The following GRM3 variants were observed in gnomAD, a reference collection of about 807,000 sequenced individuals.
GRM3 encodes metabotropic glutamate receptor 3.
A neutral mutation model predicts 70.5 loss-of-function variants in GRM3; 26 were observed. The ratio of observed to expected loss-of-function variants is 0.37; its 90% confidence interval spans 0.27 to 0.51. The LOEUF is 0.51. Among genes scored for constraint, GRM3 ranks in the 20% least tolerant of loss-of-function variants. The pLI is 0.93. For missense variants in GRM3, 859 were observed against 1,123.8 expected (o/e 0.76, Z 3.37); for synonymous variants, 443 against 434.9 (o/e 1.02, Z -0.23).
At position 86,839,251 on chromosome 7, in the gene GRM3, C is replaced by T. The variant is rs138025043; in HGVS notation, c.1737C>T (p.Gly579=). 64 of 1,613,916 alleles carry T rather than the reference C, an allele frequency of 4.0e-5. No homozygotes were observed. In the African/African-American group the frequency reaches 6.9e-4, roughly 17 times the overall value. ...YIRWEDAWAI[G]PVTIACLGFM... ...GGTGGGAAGACGCCTGGGCCATTGG[C>T]CCAGTCACCATTGCCTGTCTGGGTT... The change falls in exon 4 of 6, where the codon GGC becomes GGT. Residue 579 remains glycine (G), a synonymous_variant. Coordinates refer to ENST00000361669, the MANE Select transcript of GRM3 (RefSeq NM_000840.3). The surrounding 1 kb of genome is among the most constrained non-coding windows in gnomAD (Gnocchi z 4.5).
At chr7:86,737,328 A>G (rs1179177240) in intron 1 of GRM3, among the ~76,000 whole-genome samples, 1 of 152,236 alleles carries the variant, frequency 6.6e-6, no homozygotes, top group Non-Finnish European at 1.5e-5. Flanking sequence ...TTTATGAGTG[A>G]GGAAATAGGC....
intron 1 of GRM3, among the ~76,000 whole-genome samples, chr7:86,658,851 TAAA>T (rs776188702): frequency 7.2e-6 from 1 of 138,712 alleles, no homozygotes. Flanking sequence ...CCTGTTATAC[TAAA>T]AAAAAAAAAA....
At chr7:86,794,810 C>A (rs890665376) in intron 3 of GRM3, among the ~76,000 whole-genome samples, 1 of 151,592 alleles carries the variant, frequency 6.6e-6, no homozygotes, top group Non-Finnish European at 1.5e-5. Context: ...AATTTGTTAA[C>A]GTGGCAGAGT....
At chr7:86,849,454 A>G (rs1245979616) in intron 4 of GRM3, among the ~76,000 whole-genome samples, 2 of 152,168 alleles carry the variant, frequency 1.3e-5, no homozygotes, top group African/African-American at 4.8e-5. Flanking sequence ...AGTAAAATGA[A>G]GCATTCTAAA....
chr7:86,747,115 A>G (rs980142561), intron 1 of GRM3, among the ~76,000 whole-genome samples: 1 of 152,126 alleles, frequency 6.6e-6, no homozygotes, highest in African/African-American at 2.4e-5. Flanking sequence ...GTAAGTGTCC[A>G]TGATCCCATT....
intron 3 of GRM3, among the ~76,000 whole-genome samples, chr7:86,822,267 A>G (rs190727055): frequency 6.9e-4 from 105 of 152,290 alleles, no homozygotes; most frequent in Admixed American, 1.2e-3. Context: ...GAAAAATAAT[A>G]AAGTTCTATT....
At chr7:86,760,316 T>C (rs1796447769) in intron 1 of GRM3, among the ~76,000 whole-genome samples, 1 of 152,110 alleles carries the variant, frequency 6.6e-6, no homozygotes, top group Non-Finnish European at 1.5e-5. Context: ...GGGGTTATAT[T>C]CATAGCAAAC....
intron 5 of GRM3, among the ~76,000 whole-genome samples, chr7:86,863,884 C>T (rs1404996189): frequency 1.3e-5 from 2 of 152,136 alleles, no homozygotes; most frequent in South Asian, 2.1e-4. Flanking sequence ...AGAGGTATAA[C>T]GTTAGTGGAG....
intron 1 of GRM3, among the ~76,000 whole-genome samples, chr7:86,699,289 T>C (rs537652842): frequency 1.3e-5 from 2 of 152,138 alleles, no homozygotes; most frequent in African/African-American, 4.8e-5. Flanking sequence ...ACAATACCTA[T>C]TAGCTTGAAA....
rs777078988 is a variant in GRM3, at chr7:86,707,020, CT to C, written c.-140-57984del. ...TTAAAATTTTCTTTGAGGAAATATA[CT>C]TCCCTAGAATACTAAATTAGACCGA... On this transcript the variant is annotated intron_variant, in intron 1 of 5. Coordinates refer to ENST00000361669, the MANE Select transcript of GRM3 (RefSeq NM_000840.3). Among the ~76,000 whole-genome samples the C allele has an allele frequency of 1.2e-3, 184 of 152,100 alleles. 1 individual carries two copies. Among genetic ancestry groups the C allele is most frequent in the Non-Finnish European group, 1.9e-3 (132 of 67,978 alleles).
chr7:86,721,829 C>G (rs915623111), intron 1 of GRM3, among the ~76,000 whole-genome samples: 1 of 152,046 alleles, frequency 6.6e-6, no homozygotes, highest in Admixed American at 6.6e-5. Flanking sequence ...GTAGGCAGAA[C>G]AGATTCAGGT....
At chr7:86,659,591 G>C (rs1174688753) in intron 1 of GRM3, among the ~76,000 whole-genome samples, 1 of 152,084 alleles carries the variant, frequency 6.6e-6, no homozygotes, top group Non-Finnish European at 1.5e-5. Context: ...TGGAATAACT[G>C]TCTCATATTC....
chr7:86,711,169 T>G (rs1465791793), intron 1 of GRM3, among the ~76,000 whole-genome samples: 1 of 151,564 alleles, frequency 6.6e-6, no homozygotes, highest in East Asian at 1.9e-4. Flanking sequence ...CTAATTTAAT[T>G]TAATTTAATT....
intron 3 of GRM3, among the ~76,000 whole-genome samples, chr7:86,827,942 C>A (rs1459518742): frequency 6.6e-6 from 1 of 151,904 alleles, no homozygotes; most frequent in African/African-American, 2.4e-5. Flanking sequence ...GAAACCCTGT[C>A]TCTACTAAAA....
intron 1 of GRM3, among the ~76,000 whole-genome samples, chr7:86,663,039 T>C (rs1049573455): frequency 6.6e-6 from 1 of 151,700 alleles, no homozygotes; most frequent in Non-Finnish European, 1.5e-5. Flanking sequence ...AATATGAAAC[T>C]TTTTTTGCAA....
chr7:86,763,988 C>A (rs1001106636), intron 1 of GRM3, among the ~76,000 whole-genome samples: 5 of 151,966 alleles, frequency 3.3e-5, no homozygotes, highest in African/African-American at 1.2e-4. Flanking sequence ...TTAGATTCTG[C>A]AGGGCATAGT....
chr7:86,678,074 T>C (rs372845863), intron 1 of GRM3, among the ~76,000 whole-genome samples: 2 of 151,980 alleles, frequency 1.3e-5, no homozygotes, highest in East Asian at 3.8e-4. Context: ...AAAGTAAAAC[T>C]TAAGGATAGA....
chr7:86,720,198 T>C (rs764841858), intron 1 of GRM3, among the ~76,000 whole-genome samples: 1 of 151,862 alleles, frequency 6.6e-6, no homozygotes, highest in Non-Finnish European at 1.5e-5. Flanking sequence ...GGTAATTGAA[T>C]GTGAGGGATA....
intron 5 of GRM3, among the ~76,000 whole-genome samples, chr7:86,859,918 T>C (rs1294945546): frequency 6.6e-6 from 1 of 152,200 alleles, no homozygotes; most frequent in Non-Finnish European, 1.5e-5. Context: ...TTTCACCAGT[T>C]TGTGAAGCAA....
Sources: allele counts gnomAD v4.1 joint callset (sites outside exome capture counted in the v4.1 genomes callset), GRCh38; gene constraint gnomAD v4.1.1; non-coding constraint Gnocchi (gnomAD v3.1); transcripts MANE v1.5; gene names NCBI Gene and HGNC (gene_info 2026-07-23, HGNC 2026-07-21).